The following MEX3C variants were observed in gnomAD, a reference collection of about 807,000 sequenced individuals.
The protein encoded by MEX3C is mex-3 RNA binding family member C.
Under a neutral mutation model 35.5 loss-of-function variants are expected in MEX3C, and 15 were observed. The ratio of observed to expected loss-of-function variants is 0.42; its 90% CI spans 0.28 to 0.65. The LOEUF is 0.65. MEX3C is among the 30% of genes least tolerant of loss of function. MEX3C has a pLI of 0.20. For synonymous variants in MEX3C, 390 were observed against 352.8 expected, an observed-to-expected ratio of 1.11 and a Z score of -1.18; for missense variants, 711 against 842.8, an observed-to-expected ratio of 0.84 and a Z score of 1.94.
intron 1 of MEX3C, among the ~76,000 whole-genome samples, chr18:51,191,731 G>A (rs1205513484): frequency 6.6e-6 from 1 of 152,168 alleles, no homozygotes; most frequent in Non-Finnish European, 1.5e-5. Flanking sequence ...ATCTTCCAGA[G>A]TCTCTACAGG....
rs1333852362 is a variant in MEX3C at position 51,176,981 on chromosome 18, T to A, written c.1350A>T (p.Leu450=). 2.5e-6 allele frequency: 4 copies of A among 1,613,980 alleles called. No individual in the cohort carries two copies. The highest frequency in any genetic ancestry group is 3.4e-6 in the Non-Finnish European group (4 of 1,179,888). ...AGTAGGAATCTGTAGAGCCACTTCC[T>A]AGAGAACTGGAACTATCATTTCGAT... is the stretch of plus-strand genomic sequence containing the variant. ...SNYRNDSSSS[L]GSGSTDSYFG... Residue 450 remains leucine, a synonymous_variant, in exon 2 of 2, where the codon CTA becomes CTT. Coordinates refer to ENST00000406189, the MANE Select transcript of MEX3C (RefSeq NM_016626.5).
chr18:51,195,639 T>G (rs982302827), intron 1 of MEX3C: 10 of 152,100 alleles, frequency 6.6e-5, no homozygotes, highest in African/African-American at 2.4e-4. Flanking sequence ...ATCTGCCCCT[T>G]TCATAAAGGG....
Position 51,177,606 on chromosome 18 carries a change from C to A in MEX3C, c.755-30G>T. 1 of 1,551,490 alleles carries A rather than the reference C, an allele frequency of 6.4e-7. No homozygotes were observed. The highest frequency in any genetic ancestry group is 1.3e-5 in the South Asian group (1 of 79,742). ...TAGAAAGAAAACATTTCATAAGAAT[C>A]AACATCTACTTCAATGATATATATA... On this transcript the variant is annotated intron_variant, in intron 1 of 1. Transcript: ENST00000406189. The surrounding 1 kb of genome is among the most constrained non-coding windows in gnomAD (Gnocchi z 4.2).
chr18:51,183,127 C>G lies in MEX3C; in HGVS notation c.755-5551G>C, dbSNP rs1166783253. Among the ~76,000 whole-genome samples, 6 of 152,288 alleles carry G rather than the reference C, an allele frequency of 3.9e-5. No homozygotes were observed. In the East Asian group the frequency reaches 1.2e-3, roughly 29 times the overall value. ...AAAATGGTAATACTATAGTTCTGCTCTATGGTCACCTAAAGTAGCTTGTGG... is the reference window on the plus strand; with the variant it reads ...AAAATGGTAATACTATAGTTCTGCTGTATGGTCACCTAAAGTAGCTTGTGG... On this transcript the variant is annotated intron_variant, in intron 1 of 1. Coordinates refer to ENST00000406189, the MANE Select transcript of MEX3C (RefSeq NM_016626.5).
rs1409559177 is a variant in MEX3C, at chr18:51,197,108, C to T, written c.213G>A (p.Arg71=). The change falls in exon 1 of 2, where the codon CGG becomes CGA. Residue 71 remains arginine, a synonymous_variant. Transcript: ENST00000406189. ...SPAEPGAPAL[R]APAAAAQGQA... ...GGCCCTGCGCCGCCGCTGCCGGGGC[C>T]CGAAGCGCCGGGGCGCCGGGCTCCG... 1 of 1,157,110 alleles carries T rather than the reference C, an allele frequency of 8.6e-7. No homozygotes were observed. The highest frequency in any genetic ancestry group is 1.1e-6 in the Non-Finnish European group (1 of 943,412). 71.7% of individuals were successfully genotyped at this position (1,157,110 alleles called of 1,614,324 possible). A position where few individuals can be genotyped will look rare whatever the true frequency, so the allele number is the denominator to read the frequency against.
chr18:51,195,674 G>C (rs568678969), intron 1 of MEX3C: 2 of 152,236 alleles, frequency 1.3e-5, no homozygotes, highest in Non-Finnish European at 2.9e-5. Flanking sequence ...AAGAACTTAG[G>C]ACCTTCCCTA....
At chr18:51,190,594 A>G (rs574836307) in intron 1 of MEX3C, among the ~76,000 whole-genome samples, 2 of 152,332 alleles carry the variant, frequency 1.3e-5, no homozygotes, top group African/African-American at 2.4e-5. Flanking sequence ...GAGGAATTGT[A>G]GTCCGTACTT....
intron 1 of MEX3C, among the ~76,000 whole-genome samples, chr18:51,187,624 C>T (rs1912568690): frequency 6.6e-6 from 1 of 152,106 alleles, no homozygotes; most frequent in African/African-American, 2.4e-5. Flanking sequence ...AGAAGAATCG[C>T]TCGAACCCGG....
intron 1 of MEX3C, among the ~76,000 whole-genome samples, chr18:51,191,502 A>G (rs1912647308): frequency 6.6e-6 from 1 of 152,172 alleles, no homozygotes; most frequent in South Asian, 2.1e-4. Context: ...TAACCACAGC[A>G]TAACAAGCCC....
At chr18:51,195,879 G>A (rs771210045) in intron 1 of MEX3C, 1 of 152,266 alleles carries the variant, frequency 6.6e-6, no homozygotes, top group Admixed American at 6.5e-5. Context: ...TTACCTTAGT[G>A]TCCATTTTTT....
At position 51,177,151 on chromosome 18, in the gene MEX3C, G is replaced by C; in HGVS notation, c.1180C>G (p.Arg394Gly). The C allele has an allele frequency of 6.2e-7, 1 of 1,613,732 alleles. No individual in the cohort carries two copies. Among genetic ancestry groups the C allele is most frequent in the Non-Finnish European group, 8.5e-7 (1 of 1,179,882 alleles). ...REEIEMHIAM[R>G]TGNYIELNEE... ...TTGAGCTCTATATAGTTTCCTGTAC[G>C]CATGGCAATATGCATTTCTATTTCT... The change falls in exon 2 of 2, where the codon CGT (arginine) becomes GGT (glycine). Residue 394 changes from arginine to glycine, a missense_variant. Transcript: ENST00000406189. The surrounding 1 kb of genome is among the most constrained non-coding windows in gnomAD (Gnocchi z 4.2).
intron 1 of MEX3C, among the ~76,000 whole-genome samples, chr18:51,182,941 A>C (rs922158874): frequency 2.0e-5 from 3 of 152,238 alleles, no homozygotes; most frequent in Admixed American, 2.0e-4. Context: ...CCACTAGACA[A>C]CATCACCTTT....
At chr18:51,178,902 G>C (rs749071229) in intron 1 of MEX3C, among the ~76,000 whole-genome samples, 19 of 150,924 alleles carry the variant, frequency 1.3e-4, no homozygotes, top group Non-Finnish European at 2.2e-4. Context: ...AAAGAAGCTA[G>C]GTGCTACTGA....
chr18:51,190,485 GT>G (rs1482339074), intron 1 of MEX3C, among the ~76,000 whole-genome samples: 1 of 152,114 alleles, frequency 6.6e-6, no homozygotes, highest in African/African-American at 2.4e-5. Flanking sequence ...TACATCTGCA[GT>G]TTTCATTAAA....
At chr18:51,182,990 T>G (rs959448238) in intron 1 of MEX3C, among the ~76,000 whole-genome samples, 2 of 152,228 alleles carry the variant, frequency 1.3e-5, no homozygotes, top group African/African-American at 2.4e-5. Context: ...TGTGAAATGA[T>G]GTACTTACAA....
At chr18:51,196,328 C>T in intron 1 of MEX3C, 1 of 888,480 alleles carries the variant, frequency 1.1e-6, no homozygotes, top group South Asian at 1.8e-5. Flanking sequence ...TGAACACCAC[C>T]GGACTGGGTC....
At chr18:51,195,655 G>A (rs934449995) in intron 1 of MEX3C, 1 of 152,158 alleles carries the variant, frequency 6.6e-6, no homozygotes, top group Non-Finnish European at 1.5e-5. Context: ...AAGGGGAAAT[G>A]CTACCATAAA....
In MEX3C at chr18:51,197,079, G is replaced by T; in HGVS notation, c.242C>A (p.Ala81Asp). Residue 81 changes from alanine (A) to aspartate (D), a missense_variant, in exon 1 of 2, where the codon GCC becomes GAC. Around this residue, in one of 4 missense-constraint regions of MEX3C, gnomAD observed 354 missense variants for 311.6 expected, o/e 1.14. Transcript: ENST00000406189. ...RAPAAAAQGQARRAAELSPEE... is the reference protein window; with the variant it reads ...RAPAAAAQGQDRRAAELSPEE... ...TGGAGACAGCTCCGCCGCCCGCCGG[G>T]CCTGGCCCTGCGCCGCCGCTGCCGG... 7.8e-7 allele frequency: 1 copy of T among 1,286,204 alleles called. No individual in the cohort carries two copies. Among genetic ancestry groups the T allele is most frequent in the Non-Finnish European group, 9.8e-7 (1 of 1,021,392 alleles). 79.7% of individuals were successfully genotyped at this position (1,286,204 alleles called of 1,614,324 possible). A position where few individuals can be genotyped will look rare whatever the true frequency, so the allele number is the denominator to read the frequency against.
chr18:51,175,321 TAAATA>T lies in MEX3C; in HGVS notation c.*1025_*1029del, dbSNP rs1013666699. ...ACAGGTGAAATGTACGAGTATATTT[TAAATA>T]AATCTTTCCTTGTGATTGGAAATAG... On this transcript the variant is annotated 3_prime_UTR_variant, in exon 2 of 2. Transcript: ENST00000406189. The T allele has an allele frequency of 8.5e-5, 13 of 152,764 alleles. No individual in the cohort carries two copies. Among genetic ancestry groups the T allele is most frequent in the African/African-American group, 2.6e-4 (11 of 41,584 alleles). 9.5% of individuals were successfully genotyped at this position (152,764 alleles called of 1,614,324 possible). A position where few individuals can be genotyped will look rare whatever the true frequency, so the allele number is the denominator to read the frequency against.
Sources: allele counts gnomAD v4.1 joint callset (sites outside exome capture counted in the v4.1 genomes callset), GRCh38; gene constraint gnomAD v4.1.1; regional missense constraint gnomAD v4.1.1; non-coding constraint Gnocchi (gnomAD v3.1); transcripts MANE v1.5; gene names NCBI Gene and HGNC (gene_info 2026-07-23, HGNC 2026-07-21).